MID1: variants seen among roughly 807,000 people sequenced by gnomAD.
MID1 encodes the protein E3 ubiquitin-protein ligase Midline-1.
Under a neutral mutation model 40.4 loss-of-function variants are expected in MID1, and 7 were observed. The observed-to-expected ratio is 0.17, with a 90% confidence interval of 0.10 to 0.33. MID1 has a LOEUF of 0.33. Among genes scored for constraint, MID1 ranks in the 10% least tolerant of loss-of-function variants. MID1 has a pLI of 1.00. For missense variants in MID1, 367 were observed against 558.5 expected (o/e 0.66, Z 3.46); for synonymous variants, 229 against 221.2 (o/e 1.04, Z -0.31).
intron 1 of MID1, among the ~76,000 whole-genome samples, chrX:10,762,478 G>T (rs767659000): frequency 3.7e-4 from 40 of 109,169 alleles, no homozygotes; most frequent in African/African-American, 1.3e-3. Flanking sequence ...TGTTGTTGTT[G>T]TGTGTTTTTT....
intron 1 of MID1, among the ~76,000 whole-genome samples, chrX:10,749,506 G>A (rs139410547): frequency 6.3e-4 from 71 of 112,146 alleles, no homozygotes; most frequent in Middle Eastern, 4.6e-3. Context: ...TGACACAAGA[G>A]ATGATTGAAG....
rs73492943 is a variant in MID1, at chrX:10,469,928, C to T, written c.1142-88G>A. On this transcript the variant is annotated intron_variant, in intron 6 of 9. Coordinates refer to ENST00000317552, the MANE Select transcript of MID1 (RefSeq NM_000381.4). ...GAGATGTTTGACAGTTAAGCAGGTC[C>T]TTCTCAATAGGTCCATCAGGACTAC... 0.023 allele frequency: 20,225 copies of T among 891,020 alleles called. 579 individuals are homozygous for T. Among genetic ancestry groups the T allele is most frequent in the African/African-American group, 0.16 (7,970 of 51,139 alleles). The allele number at this position is 891,020 out of a possible 1,213,427, so 73.4% of individuals were successfully genotyped here. A position where few individuals can be genotyped will look rare whatever the true frequency, so the allele number is the denominator to read the frequency against.
intron 1 of MID1, among the ~76,000 whole-genome samples, chrX:10,824,585 A>G (rs2044202074): frequency 8.9e-6 from 1 of 112,205 alleles, no homozygotes; most frequent in South Asian, 3.7e-4. Context: ...GCAAAGCCAC[A>G]GCCAAGTGGG....
intron 1 of MID1, among the ~76,000 whole-genome samples, chrX:10,802,986 T>C (rs1425393775): frequency 9.0e-6 from 1 of 110,903 alleles, no homozygotes. Context: ...GGTTCACATA[T>C]ACATAAATAT....
chrX:10,790,290 C>T (rs2043919731), intron 1 of MID1, among the ~76,000 whole-genome samples: 1 of 109,653 alleles, frequency 9.1e-6, no homozygotes, highest in South Asian at 4.1e-4. Flanking sequence ...GACTATGGGT[C>T]CCACCACGCC....
At chrX:10,745,588 C>A (rs2043552004) in intron 1 of MID1, among the ~76,000 whole-genome samples, 1 of 112,519 alleles carries the variant, frequency 8.9e-6, no homozygotes, top group African/African-American at 3.2e-5. Context: ...AAGAGAAGCG[C>A]TCAACAGAAG....
chrX:10,464,731 T>C (rs770664106), intron 7 of MID1, among the ~76,000 whole-genome samples: 2 of 112,050 alleles, frequency 1.8e-5, no homozygotes, highest in Non-Finnish European at 3.8e-5. Flanking sequence ...CAGGGCTTCC[T>C]AGTTGACACT....
intron 1 of MID1, among the ~76,000 whole-genome samples, chrX:10,747,227 C>T (rs1233058521): frequency 8.9e-6 from 1 of 112,050 alleles, no homozygotes; most frequent in Non-Finnish European, 1.9e-5. Context: ...CTGAGGCCAT[C>T]ATAATAGTTG....
chrX:10,828,568 G>A (rs1489382914), intron 1 of MID1, among the ~76,000 whole-genome samples: 4 of 112,066 alleles, frequency 3.6e-5, no homozygotes, highest in Non-Finnish European at 7.5e-5. Context: ...TTGAGAAGAC[G>A]TAGATTGCTA....
chrX:10,818,353 C>T (rs2044153313), intron 1 of MID1, among the ~76,000 whole-genome samples: 1 of 112,591 alleles, frequency 8.9e-6, no homozygotes, highest in African/African-American at 3.2e-5. Flanking sequence ...AAGCTTCAGA[C>T]TCATCCAGTC....
intron 1 of MID1, among the ~76,000 whole-genome samples, chrX:10,591,618 C>T (rs989164347): frequency 1.8e-5 from 2 of 111,427 alleles, no homozygotes; most frequent in African/African-American, 6.5e-5. Flanking sequence ...CAGCTACCCT[C>T]CTCCAAGCAC....
At chrX:10,572,077 T>C (rs1934741246) in intron 1 of MID1, among the ~76,000 whole-genome samples, 1 of 107,082 alleles carries the variant, frequency 9.3e-6, no homozygotes, top group Non-Finnish European at 1.9e-5. Context: ...GGGTGGGAAT[T>C]TTATGCAAAA....
intron 2 of MID1, among the ~76,000 whole-genome samples, chrX:10,564,235 T>C (rs1934441357): frequency 8.9e-6 from 1 of 111,950 alleles, no homozygotes; most frequent in Non-Finnish European, 1.9e-5. Context: ...GAAATATACT[T>C]CCTTGGTTTT....
intron 1 of MID1, among the ~76,000 whole-genome samples, chrX:10,695,448 T>C (rs142499651): frequency 0.024 from 2,695 of 111,951 alleles, 34 homozygotes; most frequent in African/African-American, 0.047. Flanking sequence ...TTTTGAGGTA[T>C]CTTTTCAGGC....
At chrX:10,763,015 A>T (rs1289528704) in intron 1 of MID1, among the ~76,000 whole-genome samples, 2 of 111,193 alleles carry the variant, frequency 1.8e-5, no homozygotes, top group African/African-American at 6.5e-5. Context: ...TTTTCTGAAA[A>T]CGGTCAGATA....
chrX:10,732,958 G>A (rs2043462122), intron 1 of MID1, among the ~76,000 whole-genome samples: 1 of 108,172 alleles, frequency 9.2e-6, no homozygotes, highest in Admixed American at 9.9e-5. Flanking sequence ...CCACCTCCCG[G>A]GTTCATGCCA....
At chrX:10,455,720 T>G (rs1343013522) in intron 8 of MID1, among the ~76,000 whole-genome samples, 1 of 111,996 alleles carries the variant, frequency 8.9e-6, no homozygotes, top group Non-Finnish European at 1.9e-5. Context: ...ATTAAAGCAT[T>G]ACTCTTAGGA....
At chrX:10,667,218 C>T (rs1478737202) in intron 1 of MID1, among the ~76,000 whole-genome samples, 2 of 111,516 alleles carry the variant, frequency 1.8e-5, no homozygotes, top group African/African-American at 3.3e-5. Context: ...ATCATCTCCT[C>T]TGTGAAAAAG....
chrX:10,735,883 C>T (rs2043484275), intron 1 of MID1, among the ~76,000 whole-genome samples: 2 of 110,944 alleles, frequency 1.8e-5, no homozygotes, highest in Admixed American at 9.6e-5. Context: ...TCCCCTGCCT[C>T]GGTCTCCCAA....
Sources: gnomAD v4.1 joint callset for allele counts (sites outside exome capture counted in the v4.1 genomes callset) on GRCh38, gnomAD v4.1.1 for gene constraint, MANE v1.5 for transcripts, NCBI Gene and HGNC (gene_info 2026-07-23, HGNC 2026-07-21) for gene names.